RAD21: variants seen among roughly 807,000 people sequenced by gnomAD.
The protein encoded by RAD21 is RAD21 cohesin complex component.
RAD21 carries 18 observed loss-of-function variants against 71.5 expected under a neutral mutation model. That is an observed-to-expected ratio of 0.25 (90% CI 0.17 to 0.37). The LOEUF (loss-of-function observed/expected upper bound fraction) is 0.37. Among genes scored for constraint, RAD21 ranks in the 10% least tolerant of loss-of-function variants. RAD21 has a pLI of 1.00. For missense variants in RAD21, 493 were observed against 769.1 expected (o/e 0.64, Z 4.25); for synonymous variants, 248 against 254.0 (o/e 0.98, Z 0.22).
intron 12 of RAD21, chr8:116,849,516 ACTAC>A (rs1453881925): frequency 2.6e-5 from 4 of 152,738 alleles, no homozygotes; most frequent in African/African-American, 9.6e-5. Context: ...GAGCCTGCAG[ACTAC>A]CTAAGTTGAT....
chr8:116,855,704 T>C (rs1036252074), intron 8 of RAD21, among the ~76,000 whole-genome samples: 2 of 145,912 alleles, frequency 1.4e-5, no homozygotes, highest in Non-Finnish European at 3.0e-5. Flanking sequence ...CAGCCTCTAG[T>C]TTTGTTTTTT....
chr8:116,871,561 T>C (rs376405893), intron 1 of RAD21, among the ~76,000 whole-genome samples: 39 of 152,336 alleles, frequency 2.6e-4, no homozygotes, highest in African/African-American at 5.3e-4. Context: ...GTTGTGTAAA[T>C]TGGTACTGTC....
At position 116,850,655 on chromosome 8, in the gene RAD21, T is replaced by G. The variant is rs769109388; in HGVS notation, c.1583A>C (p.Glu528Ala). 1 of 1,610,662 alleles carries G rather than the reference T, an allele frequency of 6.2e-7. No individual in the cohort carries two copies. Among genetic ancestry groups the G allele is most frequent in the South Asian group, 1.1e-5 (1 of 90,970 alleles). ...ATCATCTTCTTTTTCCTTCTCTTTC[T>G]CCTTCTCTTTTTCTGGCAGAAGTTC... Reference protein sequence around the residue: ...ELELLPEKEKEKEKEKEDDEE... With the variant: ...ELELLPEKEKAKEKEKEDDEE... The change falls in exon 12 of 14, where the codon GAG (glutamate) becomes GCG (alanine). Residue 528 changes from glutamate to alanine, a missense_variant. By Grantham distance (107) the Glu-to-Ala change is moderately radical. Coordinates refer to ENST00000297338, the MANE Select transcript of RAD21 (RefSeq NM_006265.3).
intron 3 of RAD21, among the ~76,000 whole-genome samples, chr8:116,862,728 C>A (rs1441979413): frequency 6.6e-6 from 1 of 152,054 alleles, no homozygotes; most frequent in Non-Finnish European, 1.5e-5. Context: ...TAACAAAAAA[C>A]TACGAAGAAT....
At chr8:116,870,160 T>A (rs3020130) in intron 1 of RAD21, among the ~76,000 whole-genome samples, 13,237 of 152,076 alleles carry the variant, frequency 0.087, 1,152 homozygotes, top group African/African-American at 0.22. Context: ...AAACTTTTCC[T>A]CAAAAGAAAA....
intron 6 of RAD21, 113 bp downstream of exon 6, chr8:116,857,154 A>T: frequency 1.2e-6 from 1 of 857,350 alleles, no homozygotes; most frequent in Non-Finnish European, 1.8e-6. Flanking sequence ...ATCACAATTC[A>T]CTCATATATA....
At chr8:116,872,293 A>G (rs1419050556) in intron 1 of RAD21, among the ~76,000 whole-genome samples, 1 of 152,190 alleles carries the variant, frequency 6.6e-6, no homozygotes, top group Non-Finnish European at 1.5e-5. Context: ...TCAAGGGACA[A>G]TTGTACAGTA....
At chr8:116,850,354 T>C (rs1812322779) in intron 12 of RAD21, among the ~76,000 whole-genome samples, 1 of 152,184 alleles carries the variant, frequency 6.6e-6, no homozygotes, top group Non-Finnish European at 1.5e-5. Context: ...ACACGCAATT[T>C]AGAAGCCAAG....
rs1332974063 is a variant in RAD21 at position 116,847,443 on chromosome 8, T to C, written c.*57A>G. 1.4e-6 allele frequency: 2 copies of C among 1,454,438 alleles called. No individual in the cohort carries two copies. The highest frequency in any genetic ancestry group is 2.9e-5 in the African/African-American group (2 of 70,038). 90.1% of individuals were successfully genotyped at this position (1,454,438 alleles called of 1,614,324 possible). On this transcript the variant is annotated 3_prime_UTR_variant, in exon 14 of 14. Coordinates refer to ENST00000297338, the MANE Select transcript of RAD21 (RefSeq NM_006265.3). ...CAAAGGGTTCTGTGTCCCCTACACA[T>C]GGGGGCAATTTGTAAGCACTAGTGA...
intron 1 of RAD21, among the ~76,000 whole-genome samples, chr8:116,872,767 T>C (rs1402648331): frequency 6.6e-6 from 1 of 152,156 alleles, no homozygotes; most frequent in Non-Finnish European, 1.5e-5. Flanking sequence ...AATACCTAAC[T>C]CAGATCAGAA....
chr8:116,847,649 C>G lies in RAD21; in HGVS notation c.1747G>C (p.Glu583Gln), dbSNP rs1812273644. The change falls in exon 14 of 14, where the codon GAG becomes CAG. Residue 583 changes from glutamate (E) to glutamine (Q), a missense_variant. Glu to Gln is a conservative substitution (Grantham distance 29, BLOSUM62 2). This residue lies in a region of RAD21 where 225 missense variants were observed against 218.3 expected (regional missense o/e 1.03). Transcript: ENST00000297338. ...KTGAESISLLELCRNTNRKQA... is the reference protein window; with the variant it reads ...KTGAESISLLQLCRNTNRKQA... ...TTTCTGTTCGTATTTCGACATAACT[C>G]AAGCAAACTGATAGATTCAGCTCCA... 1.9e-6 allele frequency: 3 copies of G among 1,613,996 alleles called. No individual in the cohort carries two copies. The highest frequency in any genetic ancestry group is 2.5e-6 in the Non-Finnish European group (3 of 1,179,952).
intron 12 of RAD21, 88 bp downstream of exon 12, chr8:116,850,530 A>T: frequency 2.0e-6 from 3 of 1,536,712 alleles, no homozygotes; most frequent in Non-Finnish European, 2.6e-6. Context: ...TCTGATGCTC[A>T]GCATCAATTA....
chr8:116,872,608 T>A (rs1812852831), intron 1 of RAD21, among the ~76,000 whole-genome samples: 1 of 151,706 alleles, frequency 6.6e-6, no homozygotes, highest in Admixed American at 6.6e-5. Context: ...CTATTCAAAG[T>A]AAAAACTACT....
At chr8:116,850,461 G>A (rs1812325799) in intron 12 of RAD21, among the ~76,000 whole-genome samples, 157 bp downstream of exon 12, 1 of 152,152 alleles carries the variant, frequency 6.6e-6, no homozygotes, top group African/African-American at 2.4e-5. Context: ...TCCTAATGAT[G>A]ATCAATACCA....
chr8:116,860,527 G>C (rs1812569926), intron 4 of RAD21, among the ~76,000 whole-genome samples: 1 of 152,142 alleles, frequency 6.6e-6, no homozygotes, highest in Admixed American at 6.6e-5. Flanking sequence ...TCAACATGGA[G>C]GCAAATCCTC....
At chr8:116,852,780 A>G in intron 9 of RAD21, 72 bp from the exon 10 acceptor site, 1 of 1,144,204 alleles carries the variant, frequency 8.7e-7, no homozygotes, top group Non-Finnish European at 1.2e-6. Flanking sequence ...ACTGATTTCT[A>G]TCTTCCAAAG....
At chr8:116,861,494 T>C (rs906249365) in intron 4 of RAD21, among the ~76,000 whole-genome samples, 3 of 151,396 alleles carry the variant, frequency 2.0e-5, no homozygotes, top group Non-Finnish European at 4.4e-5. Context: ...GCCAATCCAG[T>C]AGCTGACTTT....
intron 6 of RAD21, 106 bp downstream of exon 6, chr8:116,857,161 T>TA: frequency 7.6e-6 from 7 of 925,344 alleles, no homozygotes; most frequent in Non-Finnish European, 1.2e-5. Context: ...TTCACTCATA[T>TA]ATATCTAAAA....
intron 5 of RAD21, 114 bp from the exon 6 acceptor site, chr8:116,857,587 C>T: frequency 1.1e-6 from 1 of 892,018 alleles, no homozygotes; most frequent in Non-Finnish European, 1.7e-6. Context: ...TGAAGTCTTA[C>T]TTCAAATGTT....
Sources: allele counts gnomAD v4.1 joint callset (sites outside exome capture counted in the v4.1 genomes callset), GRCh38; gene constraint gnomAD v4.1.1; regional missense constraint gnomAD v4.1.1; transcripts MANE v1.5; gene names NCBI Gene and HGNC (gene_info 2026-07-23, HGNC 2026-07-21).